The following PCDHGA1 variants were observed in gnomAD, a reference collection of about 807,000 sequenced individuals.
PCDHGA1 encodes the protein protocadherin gamma-A1.
A neutral mutation model predicts 58.0 loss-of-function variants in PCDHGA1; 32 were observed. The observed-to-expected ratio is 0.55, with a 90% CI of 0.42 to 0.74. PCDHGA1 has a LOEUF of 0.74. Ranked by LOEUF, PCDHGA1 falls within the 30% of genes least tolerant of loss-of-function variation. The pLI, the probability that PCDHGA1 is intolerant of heterozygous loss-of-function variation, is 0.00. For synonymous variants in PCDHGA1, 498 were observed against 501.1 expected (o/e 0.99, Z 0.08); for missense variants, 1,205 against 1,182.3 (o/e 1.02, Z -0.28).
At chr5:141,448,707 G>A (rs1455790773) in intron 1 of PCDHGA1, among the ~76,000 whole-genome samples, 4 of 152,228 alleles carry the variant, frequency 2.6e-5, no homozygotes, top group South Asian at 2.1e-4. Flanking sequence ...TTGGGAGGCC[G>A]AGGCGGGAGG....
At chr5:141,400,557 ACC>A in intron 1 of PCDHGA1, 5 of 1,613,254 alleles carry the variant, frequency 3.1e-6, no homozygotes, top group Non-Finnish European at 3.4e-6. Context: ...CTTTTTCATT[ACC>A]CACCCAATTT....
At position 141,489,494 on chromosome 5, in the gene PCDHGA1, C is replaced by A. The variant is rs1191408769; in HGVS notation, c.2422-5313C>A. ...CTGAGCTTGATGAGTGGTGCCCTGGCAGTGAATCAAAAGATTGACCGAGAA... is the reference window on the plus strand; with the variant it reads ...CTGAGCTTGATGAGTGGTGCCCTGGAAGTGAATCAAAAGATTGACCGAGAA... On this transcript the variant is annotated intron_variant, in intron 1 of 3. Coordinates refer to ENST00000517417, the MANE Select transcript of PCDHGA1 (RefSeq NM_018912.3). This position sits in a 1 kb window ranked among gnomAD's most constrained non-coding sequence, Gnocchi z 4.5. 1.1e-5 allele frequency: 18 copies of A among 1,613,932 alleles called. No individual in the cohort carries two copies. The highest frequency in any genetic ancestry group is 1.7e-5 in the Admixed American group (1 of 59,998).
chr5:141,335,957 G>T (rs1478740932), intron 1 of PCDHGA1, among the ~76,000 whole-genome samples: 1 of 151,944 alleles, frequency 6.6e-6, no homozygotes. Context: ...AACTAATTAG[G>T]AGTAAGTTTA....
chr5:141,497,385 C>T (rs2154592097), intron 2 of PCDHGA1, among the ~76,000 whole-genome samples: 1 of 152,212 alleles, frequency 6.6e-6, no homozygotes, highest in African/African-American at 2.4e-5. Flanking sequence ...GGGGTGAGCA[C>T]CTTACCCCTG....
At chr5:141,374,613 A>G (rs1770655332) in intron 1 of PCDHGA1, 1 of 1,613,396 alleles carries the variant, frequency 6.2e-7, no homozygotes, top group African/African-American at 1.3e-5. Flanking sequence ...GGTAATAGTC[A>G]CTTCTCAGTG....
rs2097401329 is a variant in PCDHGA1 at position 141,431,623 on chromosome 5, G to A, written c.2422-63184G>A. 1 of 1,614,192 alleles carries A rather than the reference G, an allele frequency of 6.2e-7. No homozygotes were observed. The highest frequency in any genetic ancestry group is 1.7e-5 in the Admixed American group (1 of 60,028). On this transcript the variant is annotated intron_variant, in intron 1 of 3. Coordinates refer to ENST00000517417, the MANE Select transcript of PCDHGA1 (RefSeq NM_018912.3). This position sits in a 1 kb window ranked among gnomAD's most constrained non-coding sequence, Gnocchi z 4.8. ...CCTTCCGGTATGTGGACGACAAGGC[G>A]GCCCAAGTTTTCAAACTAGATTGTA...
intron 1 of PCDHGA1, chr5:141,405,210 A>G (rs752645800): frequency 1.2e-6 from 2 of 1,613,994 alleles, no homozygotes; most frequent in South Asian, 1.1e-5. Context: ...CTACAGACCT[A>G]TTCTCAGGAG....
chr5:141,375,181 C>T (rs868598149), intron 1 of PCDHGA1: 1 of 1,613,954 alleles, frequency 6.2e-7, no homozygotes, highest in Non-Finnish European at 8.5e-7. Flanking sequence ...GAACAGTAAT[C>T]GCCCTTTTTC....
chr5:141,365,305 C>A, intron 1 of PCDHGA1: 4 of 1,613,926 alleles, frequency 2.5e-6, no homozygotes, highest in Non-Finnish European at 3.4e-6. Context: ...AGGATGGAGG[C>A]GCTCTTGTTG....
At chr5:141,421,218 A>G (rs969154252) in intron 1 of PCDHGA1, 1 of 1,570,664 alleles carries the variant, frequency 6.4e-7, no homozygotes, top group Admixed American at 1.9e-5. Flanking sequence ...ATATCGGCTT[A>G]GAGCCTGCCA....
At chr5:141,453,811 A>G (rs541081089) in intron 1 of PCDHGA1, among the ~76,000 whole-genome samples, 1 of 152,350 alleles carries the variant, frequency 6.6e-6, no homozygotes, top group Admixed American at 6.5e-5. Context: ...AGTTCCATAA[A>G]GGACAAACTT....
chr5:141,446,408 C>A (rs1211716327), intron 1 of PCDHGA1, among the ~76,000 whole-genome samples: 1 of 151,898 alleles, frequency 6.6e-6, no homozygotes, highest in African/African-American at 2.4e-5. Flanking sequence ...GAGTTGAGTT[C>A]CAGCCATGTT....
intron 1 of PCDHGA1, chr5:141,365,690 C>T: frequency 1.2e-6 from 2 of 1,613,562 alleles, no homozygotes; most frequent in South Asian, 2.2e-5. Flanking sequence ...CAATTTCCCT[C>T]AAGCCTCCTA....
At chr5:141,501,308 C>T (rs1220463692) in intron 2 of PCDHGA1, among the ~76,000 whole-genome samples, 2 of 151,492 alleles carry the variant, frequency 1.3e-5, no homozygotes, top group African/African-American at 2.4e-5. Context: ...CACACACACA[C>T]ACACACACAC....
At chr5:141,406,515 T>C (rs2094818414) in intron 1 of PCDHGA1, among the ~76,000 whole-genome samples, 1 of 152,234 alleles carries the variant, frequency 6.6e-6, no homozygotes, top group Non-Finnish European at 1.5e-5. Context: ...TGTTTGTGTT[T>C]ACAGATATTT....
rs199698737 is a variant in PCDHGA1, at chr5:141,438,639, C to T, written c.2422-56168C>T. On this transcript the variant is annotated intron_variant, in intron 1 of 3. Transcript: ENST00000517417. ...ATATATATATATATATATATATACA[C>T]ACACACACACACATATATGTATATA... 7.1e-3 allele frequency among the ~76,000 whole-genome samples: 359 copies of T among 50,816 alleles called. 1 individual carries two copies. Among genetic ancestry groups the T allele is most frequent in the South Asian group, 0.017 (27 of 1,588 alleles). The allele number at this position is 50,816 out of a possible 152,430, so 33.3% of individuals were successfully genotyped here.
At chr5:141,421,169 T>G in intron 1 of PCDHGA1, 2 of 1,340,600 alleles carry the variant, frequency 1.5e-6, no homozygotes, top group South Asian at 1.5e-5. Flanking sequence ...CATAGATACA[T>G]AAGCCGATTC....
intron 1 of PCDHGA1, chr5:141,428,003 C>A (rs1175875944): frequency 2.5e-6 from 4 of 1,601,244 alleles, no homozygotes; most frequent in Non-Finnish European, 3.4e-6. Context: ...CCGCACTCTT[C>A]GATATAGTGC....
chr5:141,406,096 G>A (rs966441415), intron 1 of PCDHGA1, among the ~76,000 whole-genome samples: 1 of 150,800 alleles, frequency 6.6e-6, no homozygotes, highest in Non-Finnish European at 1.5e-5. Context: ...TTAAGAGATG[G>A]GGGTGTCATT....
Sources: gnomAD v4.1 joint callset for allele counts (sites outside exome capture counted in the v4.1 genomes callset) on GRCh38, gnomAD v4.1.1 for gene constraint, Gnocchi (gnomAD v3.1) non-coding constraint, MANE v1.5 for transcripts, NCBI Gene and HGNC (gene_info 2026-07-23, HGNC 2026-07-21) for gene names.